The following SOX5 variants were observed in gnomAD, a reference collection of about 807,000 sequenced individuals.
The protein encoded by SOX5 is transcription factor SOX-5.
Under a neutral mutation model 92.0 loss-of-function variants are expected in SOX5, and 9 were observed. That is an observed-to-expected ratio of 0.10 (90% CI 0.06 to 0.17). The LOEUF (loss-of-function observed/expected upper bound fraction) is 0.17. Among genes scored for constraint, SOX5 ranks in the 10% least tolerant of loss-of-function variants. The pLI, the probability that SOX5 is intolerant of heterozygous loss-of-function variation, is 1.00. For missense variants in SOX5, 642 were observed against 944.5 expected, an observed-to-expected ratio of 0.68 and a Z score of 4.20; for synonymous variants, 344 against 336.3, an observed-to-expected ratio of 1.02 and a Z score of -0.25.
intron 13 of SOX5, among the ~76,000 whole-genome samples, chr12:23,538,422 C>T (rs375205990): frequency 6.6e-6 from 1 of 152,126 alleles, no homozygotes; most frequent in Admixed American, 6.5e-5. Context: ...CTATTCCTTT[C>T]GTAAACTTCT....
intron 4 of SOX5, among the ~76,000 whole-genome samples, chr12:24,085,357 C>T (rs1309438127): frequency 1.3e-5 from 2 of 152,028 alleles, no homozygotes; most frequent in Admixed American, 6.6e-5. Context: ...CTCACCATGG[C>T]TCTATGAGTT....
intron 7 of SOX5, among the ~76,000 whole-genome samples, chr12:23,646,279 A>G (rs11047022): frequency 0.32 from 48,813 of 151,916 alleles, 8,529 homozygotes; most frequent in African/African-American, 0.47. Flanking sequence ...GTCTCAGGCA[A>G]TCCTCTCACC....
chr12:23,640,441 A>G (rs924066773), intron 8 of SOX5, among the ~76,000 whole-genome samples: 9 of 152,266 alleles, frequency 5.9e-5, no homozygotes, highest in African/African-American at 2.2e-4. Context: ...TTTGAAATGC[A>G]TTTTTGTTAA....
At chr12:23,671,860 T>G (rs1383349056) in intron 6 of SOX5, among the ~76,000 whole-genome samples, 1 of 152,150 alleles carries the variant, frequency 6.6e-6, no homozygotes, top group Non-Finnish European at 1.5e-5. Flanking sequence ...AAAGACAAAG[T>G]AGCCATATTC....
At chr12:23,661,039 T>C (rs1174848917) in intron 7 of SOX5, among the ~76,000 whole-genome samples, 1 of 152,208 alleles carries the variant, frequency 6.6e-6, no homozygotes, top group Non-Finnish European at 1.5e-5. Flanking sequence ...ATATTCTCTA[T>C]CTGTAGCTAT....
chr12:24,387,658 CTTACAGGGAATA>C (rs1181421428), intron 1 of SOX5, among the ~76,000 whole-genome samples: 4 of 152,082 alleles, frequency 2.6e-5, no homozygotes, highest in Admixed American at 2.0e-4. Context: ...CGATAATTTT[CTTACAGGGAATA>C]TTAAGGCCTT....
intron 4 of SOX5, among the ~76,000 whole-genome samples, chr12:24,004,721 A>T (rs558221649): frequency 4.1e-4 from 63 of 152,286 alleles, no homozygotes; most frequent in Non-Finnish European, 8.7e-4. Context: ...TTTCATAAAC[A>T]GTTAAAAATA....
chr12:24,241,772 A>G (rs768394441), intron 3 of SOX5, among the ~76,000 whole-genome samples: 2 of 152,156 alleles, frequency 1.3e-5, no homozygotes, highest in Non-Finnish European at 2.9e-5. Context: ...CATTTGTAGA[A>G]TATCGATATT....
intron 2 of SOX5, among the ~76,000 whole-genome samples, chr12:24,337,167 TGA>T (rs995360849): frequency 1.3e-5 from 2 of 152,130 alleles, no homozygotes; most frequent in Non-Finnish European, 2.9e-5. Flanking sequence ...TAGTGTCTCC[TGA>T]GAGAAAATTA....
intron 2 of SOX5, among the ~76,000 whole-genome samples, chr12:23,892,334 G>C (rs1016039985): frequency 8.5e-5 from 13 of 152,154 alleles, no homozygotes; most frequent in African/African-American, 3.1e-4. Flanking sequence ...GCCATTCAAA[G>C]GCCATCTGGT....
intron 3 of SOX5, among the ~76,000 whole-genome samples, chr12:23,803,183 C>A (rs984639119): frequency 6.6e-6 from 1 of 152,100 alleles, no homozygotes; most frequent in African/African-American, 2.4e-5. Flanking sequence ...TTCCTATGTC[C>A]TTTCTTGACC....
At chr12:24,011,216 T>G in intron 4 of SOX5, among the ~76,000 whole-genome samples, 2 of 151,894 alleles carry the variant, frequency 1.3e-5, no homozygotes, top group South Asian at 4.2e-4. Flanking sequence ...TTAATCAAAT[T>G]AAAAAAAATA....
At chr12:23,746,416 T>C (rs574923107) in intron 4 of SOX5, among the ~76,000 whole-genome samples, 105 of 152,288 alleles carry the variant, frequency 6.9e-4, no homozygotes, top group Admixed American at 1.6e-3. Context: ...CAGTCATGTA[T>C]ATATGAACTT....
chr12:24,339,163 C>CTGACA (rs1952273837), intron 2 of SOX5, among the ~76,000 whole-genome samples: 3 of 140,380 alleles, frequency 2.1e-5, no homozygotes, highest in Admixed American at 1.4e-4. Context: ...TCTCTCTCTG[C>CTGACA]CACACACACA....
At chr12:23,666,160 T>G (rs2083768012) in intron 6 of SOX5, among the ~76,000 whole-genome samples, 1 of 151,942 alleles carries the variant, frequency 6.6e-6, no homozygotes, top group Non-Finnish European at 1.5e-5. Context: ...AAAAGATAAC[T>G]GACTAGCCAC....
chr12:23,980,117 G>T (rs1019975456), intron 4 of SOX5, among the ~76,000 whole-genome samples: 4 of 151,970 alleles, frequency 2.6e-5, no homozygotes, highest in Non-Finnish European at 5.9e-5. Context: ...TCTTCGTATG[G>T]CCATAATGAG....
chr12:24,005,343 T>A (rs528555992), intron 4 of SOX5, among the ~76,000 whole-genome samples: 1 of 152,152 alleles, frequency 6.6e-6, no homozygotes, highest in African/African-American at 2.4e-5. Context: ...ATAGAGCATA[T>A]TTTTTAGTAA....
At chr12:24,514,887 C>G (rs1196815802) in intron 1 of SOX5, among the ~76,000 whole-genome samples, 1 of 151,934 alleles carries the variant, frequency 6.6e-6, no homozygotes, top group Non-Finnish European at 1.5e-5. Flanking sequence ...CACACTGGGG[C>G]CCATCAAGGG....
At chr12:23,670,055 A>T (rs1176431915) in intron 6 of SOX5, among the ~76,000 whole-genome samples, 2 of 152,188 alleles carry the variant, frequency 1.3e-5, no homozygotes, top group African/African-American at 4.8e-5. Context: ...AAAGGTGCCT[A>T]TCGGCAGATA....
Sources: gnomAD v4.1 joint callset for allele counts (sites outside exome capture counted in the v4.1 genomes callset) on GRCh38, gnomAD v4.1.1 for gene constraint, MANE v1.5 for transcripts, NCBI Gene and HGNC (gene_info 2026-07-23, HGNC 2026-07-21) for gene names.